IGF1R: variants seen among roughly 807,000 people sequenced by gnomAD.
IGF1R encodes the protein insulin like growth factor 1 receptor.
A neutral mutation model predicts 144.6 loss-of-function variants in IGF1R; 44 were observed. The observed-to-expected ratio is 0.30, with a 90% CI of 0.24 to 0.39. The LOEUF (loss-of-function observed/expected upper bound fraction) is 0.39, where lower values mean the gene tolerates loss of function less well. IGF1R is among the 10% of genes least tolerant of loss of function. The pLI is 1.00. For synonymous variants in IGF1R, 795 were observed against 722.8 expected, an observed-to-expected ratio of 1.10 and a Z score of -1.60; for missense variants, 1,355 against 1,833.7, an observed-to-expected ratio of 0.74 and a Z score of 4.77.
intron 2 of IGF1R, among the ~76,000 whole-genome samples, chr15:98,735,767 T>C (rs529633263): frequency 6.2e-4 from 95 of 152,374 alleles, no homozygotes; most frequent in Non-Finnish European, 1.0e-3. Flanking sequence ...CACTTTGATT[T>C]ATTTCTCTTA....
At chr15:98,657,284 C>G (rs974334452) in intron 1 of IGF1R, among the ~76,000 whole-genome samples, 2 of 152,190 alleles carry the variant, frequency 1.3e-5, no homozygotes, top group African/African-American at 4.8e-5. Context: ...CCTTTGATAA[C>G]TTCCTGGAAA....
At chr15:98,671,350 AGAAT>A (rs2052885852) in intron 1 of IGF1R, among the ~76,000 whole-genome samples, 1 of 152,244 alleles carries the variant, frequency 6.6e-6, no homozygotes, top group South Asian at 2.1e-4. Flanking sequence ...ACATTGGGAA[AGAAT>A]GAGAAAGCTG....
Position 98,963,585 on chromosome 15 carries a change from C to T in IGF1R, c.*6143C>T, listed in dbSNP as rs1395436300. ...GCTGCCGTCATTGTCAGCACAGTGC[C>T]ATGGACATGGGAAGACTTGACTGCA... On this transcript the variant is annotated 3_prime_UTR_variant, in exon 21 of 21. Transcript: ENST00000650285. 1 of 233,142 alleles carries T rather than the reference C, an allele frequency of 4.3e-6. No homozygotes were observed. The highest frequency in any genetic ancestry group is 8.5e-6 in the Non-Finnish European group (1 of 118,068). 14.4% of individuals were successfully genotyped at this position (233,142 alleles called of 1,614,324 possible). A position where few individuals can be genotyped will look rare whatever the true frequency, so the allele number is the denominator to read the frequency against.
At chr15:98,669,248 G>T (rs1198198655) in intron 1 of IGF1R, among the ~76,000 whole-genome samples, 2 of 152,126 alleles carry the variant, frequency 1.3e-5, no homozygotes, top group East Asian at 1.9e-4. Flanking sequence ...TGAAACCTGC[G>T]CAAGGGTGTT....
intron 1 of IGF1R, among the ~76,000 whole-genome samples, chr15:98,694,260 A>T (rs1024187111): frequency 1.3e-5 from 2 of 152,138 alleles, no homozygotes; most frequent in Admixed American, 1.3e-4. Flanking sequence ...AGGGTTATTA[A>T]AGGGGTGAGG....
intron 1 of IGF1R, among the ~76,000 whole-genome samples, chr15:98,688,293 TCTCTCCTA>T (rs140508927): frequency 0.014 from 1,875 of 132,162 alleles, 52 homozygotes; most frequent in African/African-American, 0.05. Flanking sequence ...CCCCGCCCCT[TCTCTCCTA>T]CTCTCCTTCC....
At chr15:98,715,757 A>T (rs761221641) in intron 2 of IGF1R, among the ~76,000 whole-genome samples, 2 of 152,128 alleles carry the variant, frequency 1.3e-5, no homozygotes, top group African/African-American at 2.4e-5. Context: ...GACTCTGGCT[A>T]TAAAAGGTGG....
chr15:98,708,139 T>C (rs1396239366), intron 2 of IGF1R, 32 bp downstream of exon 2: 11 of 1,574,724 alleles, frequency 7.0e-6, no homozygotes, highest in Non-Finnish European at 8.7e-6. Context: ...GCTTTCTCTC[T>C]GCCTCTCTCT....
intron 2 of IGF1R, among the ~76,000 whole-genome samples, chr15:98,836,185 T>C (rs2141516990): frequency 6.6e-6 from 1 of 152,074 alleles, no homozygotes; most frequent in Admixed American, 6.5e-5. Context: ...ACTGATTTTT[T>C]TTTTTCTCTC....
At chr15:98,712,258 A>G (rs913144853) in intron 2 of IGF1R, among the ~76,000 whole-genome samples, 1 of 152,096 alleles carries the variant, frequency 6.6e-6, no homozygotes, top group Non-Finnish European at 1.5e-5. Context: ...ATTCATATCC[A>G]TCCCAGAACC....
Position 98,770,556 on chromosome 15 carries a change from TATC to T in IGF1R, c.640+62452_640+62454del, listed in dbSNP as rs535725926. ...TATACATTGCATACATGTTTCAAAA[TATC>T]ATATTAACCCCATAAATATGTACAA... On this transcript the variant is annotated intron_variant, in intron 2 of 20. Coordinates refer to ENST00000650285, the MANE Select transcript of IGF1R (RefSeq NM_000875.5). 7.9e-4 allele frequency among the ~76,000 whole-genome samples: 121 copies of T among 152,298 alleles called. 1 individual carries two copies. The highest frequency in any genetic ancestry group is 2.3e-3 in the South Asian group (11 of 4,828).
chr15:98,779,817 T>A (rs903185708), intron 2 of IGF1R, among the ~76,000 whole-genome samples: 5 of 152,138 alleles, frequency 3.3e-5, no homozygotes, highest in African/African-American at 1.2e-4. Context: ...TCTGTGGAGA[T>A]AGCCTGTTGG....
At chr15:98,898,589 A>G (rs1172759548) in intron 4 of IGF1R, among the ~76,000 whole-genome samples, 2 of 152,252 alleles carry the variant, frequency 1.3e-5, no homozygotes, top group Non-Finnish European at 2.9e-5. Flanking sequence ...AATTAGATGT[A>G]GGGCTTTATC....
intron 1 of IGF1R, among the ~76,000 whole-genome samples, chr15:98,705,940 C>T (rs1348994138): frequency 6.6e-6 from 1 of 152,242 alleles, no homozygotes; most frequent in Admixed American, 6.5e-5. Flanking sequence ...TCTGCTGGCA[C>T]ATGGGCATAC....
intron 1 of IGF1R, among the ~76,000 whole-genome samples, chr15:98,697,705 TGTG>T (rs1215348294): frequency 2.0e-5 from 3 of 152,176 alleles, no homozygotes; most frequent in Admixed American, 1.3e-4. Context: ...ATACTTAAAT[TGTG>T]GTGAAATACG....
At chr15:98,801,652 G>A (rs907806) in intron 2 of IGF1R, among the ~76,000 whole-genome samples, 127,724 of 152,260 alleles carry the variant, frequency 0.84, 53,913 homozygotes, top group Non-Finnish European at 0.88. Flanking sequence ...CCTTGAGCAC[G>A]GTTTTGGGAA....
chr15:98,918,802 C>G (rs1447386070), intron 10 of IGF1R, among the ~76,000 whole-genome samples: 2 of 152,178 alleles, frequency 1.3e-5, no homozygotes, highest in Non-Finnish European at 2.9e-5. Flanking sequence ...TCGCTTGAAC[C>G]CGGGAGGTGG....
intron 2 of IGF1R, among the ~76,000 whole-genome samples, chr15:98,761,716 T>G (rs2055300647): frequency 6.6e-6 from 1 of 152,234 alleles, no homozygotes; most frequent in African/African-American, 2.4e-5. Context: ...TGAACTGTTG[T>G]CCCTGCCAGG....
At chr15:98,785,987 C>T (rs759278182) in intron 2 of IGF1R, among the ~76,000 whole-genome samples, 7 of 152,236 alleles carry the variant, frequency 4.6e-5, no homozygotes, top group South Asian at 4.1e-4. Context: ...ATGGTCCCAG[C>T]GCTCAGCCTT....
Sources: gnomAD v4.1 joint callset for allele counts (sites outside exome capture counted in the v4.1 genomes callset) on GRCh38, gnomAD v4.1.1 for gene constraint, MANE v1.5 for transcripts, NCBI Gene and HGNC (gene_info 2026-07-23, HGNC 2026-07-21) for gene names.